The following FBXL2 variants were observed in gnomAD, a reference collection of about 807,000 sequenced individuals.
FBXL2 encodes F-box/LRR-repeat protein 2.
FBXL2 carries 38 observed loss-of-function variants against 69.2 expected under a neutral mutation model. The observed-to-expected ratio is 0.55, with a 90% CI of 0.42 to 0.72. The LOEUF is 0.72. FBXL2 is among the 30% of genes least tolerant of loss of function. FBXL2 has a pLI of 0.00. For missense variants in FBXL2, 354 were observed against 520.3 expected (o/e 0.68, Z 3.11); for synonymous variants, 192 against 201.3 (o/e 0.95, Z 0.39).
chr3:33,390,558 T>A (rs1216541883), downstream of FBXL2: 1 of 620,336 alleles, frequency 1.6e-6, no homozygotes, highest in Non-Finnish European at 2.9e-6. Flanking sequence ...ACACATTCCC[T>A]TTTTAGACAT....
chr3:33,373,478 T>C, intron 7 of FBXL2, 100 bp from the exon 8 acceptor site: 1 of 1,569,774 alleles, frequency 6.4e-7, no homozygotes, highest in Non-Finnish European at 8.8e-7. Context: ...CCAGGCATGG[T>C]CTCCCCTTCG....
chr3:33,413,564 A>C, the FBXL2 span, among the ~76,000 whole-genome samples: 5 of 151,698 alleles, frequency 3.3e-5, no homozygotes, highest in East Asian at 1.9e-4. Flanking sequence ...AAAAAAAAAA[A>C]ACTTTGAGTT....
chr3:33,300,128 A>G (rs1259517609), intron 2 of FBXL2, among the ~76,000 whole-genome samples: 1 of 152,196 alleles, frequency 6.6e-6, no homozygotes, highest in African/African-American at 2.4e-5. Context: ...ACTAAACATT[A>G]GGGTGTGATT....
intron 14 of FBXL2, 103 bp downstream of exon 14, chr3:33,384,304 T>A: frequency 1.8e-6 from 2 of 1,126,474 alleles, no homozygotes; most frequent in Non-Finnish European, 2.5e-6. Context: ...CTCACGCCTG[T>A]AATCCCAACA....
At chr3:33,357,549 T>TG (rs397989138) in intron 2 of FBXL2, among the ~76,000 whole-genome samples, 2 of 148,032 alleles carry the variant, frequency 1.4e-5, no homozygotes, top group East Asian at 2.0e-4. Flanking sequence ...TTTTTTTTTT[T>TG]GAGACGGAGT....
chr3:33,416,735 G>T, the FBXL2 span: 2 of 1,551,504 alleles, frequency 1.3e-6, no homozygotes, highest in African/African-American at 1.4e-5. Context: ...TATCCATTGG[G>T]AATTAAAATG....
chr3:33,283,561 A>C (rs2034272578), intron 1 of FBXL2, among the ~76,000 whole-genome samples: 1 of 152,208 alleles, frequency 6.6e-6, no homozygotes, highest in African/African-American at 2.4e-5. Flanking sequence ...TGTTGGCCTC[A>C]TAAAATGAGT....
chr3:33,418,088 G>A, the FBXL2 span, among the ~76,000 whole-genome samples: 4 of 151,926 alleles, frequency 2.6e-5, no homozygotes, highest in African/African-American at 9.7e-5. Flanking sequence ...ATTTAACAAT[G>A]GATCTATATT....
intron 1 of FBXL2, among the ~76,000 whole-genome samples, chr3:33,279,536 G>T (rs550035718): frequency 1.6e-4 from 25 of 152,298 alleles, no homozygotes; most frequent in Admixed American, 1.6e-3. Context: ...CCCAAGCTGG[G>T]ATTGCAGGCT....
At chr3:33,389,261 A>G (rs527475173), downstream of FBXL2, 1 of 152,748 alleles carries the variant, frequency 6.5e-6, no homozygotes, top group South Asian at 2.1e-4. Context: ...CTAAAGCTCA[A>G]TATTTGAGAG....
chr3:33,409,156 T>C, the FBXL2 span: 1 of 1,363,670 alleles, frequency 7.3e-7, no homozygotes, highest in Non-Finnish European at 1.0e-6. Context: ...CCCAACCCTT[T>C]TGTAGCAGAA....
chr3:33,316,350 C>T (rs1429232472), intron 2 of FBXL2, among the ~76,000 whole-genome samples: 4 of 152,198 alleles, frequency 2.6e-5, no homozygotes, highest in South Asian at 4.2e-4. Context: ...TGAGCCACCA[C>T]GCCGAGCCAC....
the FBXL2 span, chr3:33,411,673 C>T: frequency 6.2e-7 from 1 of 1,613,814 alleles, no homozygotes; most frequent in African/African-American, 1.3e-5. Flanking sequence ...ATTATTCCCA[C>T]AGACATTGGA....
intron 2 of FBXL2, among the ~76,000 whole-genome samples, chr3:33,304,380 G>C (rs1003243022): frequency 5.3e-5 from 8 of 151,710 alleles, no homozygotes; most frequent in African/African-American, 1.9e-4. Context: ...GTTTACTTTT[G>C]CTTGTTTATT....
chr3:33,376,095 G>A (rs2042616243), intron 10 of FBXL2, among the ~76,000 whole-genome samples: 1 of 151,534 alleles, frequency 6.6e-6, no homozygotes, highest in South Asian at 2.1e-4. Context: ...GGCGGAGGTT[G>A]CAGTGAGCCA....
intron 13 of FBXL2, among the ~76,000 whole-genome samples, chr3:33,382,153 CAG>C (rs757375770): frequency 6.6e-5 from 10 of 152,216 alleles, no homozygotes; most frequent in Non-Finnish European, 1.3e-4. Context: ...TCCAAACTCT[CAG>C]ACATTTCCTT....
intron 1 of FBXL2, among the ~76,000 whole-genome samples, chr3:33,286,289 T>G (rs531659631): frequency 6.6e-6 from 1 of 152,316 alleles, no homozygotes; most frequent in South Asian, 2.1e-4. Context: ...CTGTTGGAGT[T>G]TGCTGGAGGT....
At chr3:33,404,560 T>C (rs1010913843), downstream of FBXL2, among the ~76,000 whole-genome samples, 1 of 151,086 alleles carries the variant, frequency 6.6e-6, no homozygotes, top group African/African-American at 2.4e-5. Flanking sequence ...GACAGGAGAA[T>C]TGCTTGAATC....
At chr3:33,303,448 A>G (rs879878290) in intron 2 of FBXL2, among the ~76,000 whole-genome samples, 1 of 152,198 alleles carries the variant, frequency 6.6e-6, no homozygotes, top group Non-Finnish European at 1.5e-5. Context: ...GGTTGGGGTT[A>G]TGCTTGTATA....
Sources: gnomAD v4.1 joint callset for allele counts (sites outside exome capture counted in the v4.1 genomes callset) on GRCh38, gnomAD v4.1.1 for gene constraint, MANE v1.5 for transcripts, NCBI Gene and HGNC (gene_info 2026-07-23, HGNC 2026-07-21) for gene names.